Variants in TG observed in about 807,000 individuals in gnomAD.
The protein encoded by TG is thyroglobulin, also known as thyroid hormones.
A neutral mutation model predicts 324.7 loss-of-function variants in TG; 270 were observed. The observed-to-expected ratio is 0.83, with a 90% CI of 0.75 to 0.92. The LOEUF (loss-of-function observed/expected upper bound fraction) is 0.92, where lower values mean the gene tolerates loss of function less well. Among genes scored for constraint, TG ranks in the 40% least tolerant of loss-of-function variants. TG has a pLI of 0.00. For synonymous variants in TG, 1,401 were observed against 1,327.0 expected (o/e 1.06, Z -1.21); for missense variants, 3,591 against 3,456.4 (o/e 1.04, Z -0.98).
rs373076511 is a variant in TG, at chr8:132,963,062, C to T, written c.5536C>T (p.Pro1846Ser). The T allele has an allele frequency of 3.1e-6, 5 of 1,613,884 alleles. No homozygotes were observed. The African/African-American group carries it at 6.7e-5, about 22-fold the overall frequency. Residue 1846 changes from proline to serine, a missense_variant, in exon 29 of 48, where the codon CCA becomes TCA. Coordinates refer to ENST00000220616, the MANE Select transcript of TG (RefSeq NM_003235.5). ...RKDTVPRPAS[P>S]TEAGLTTELF... ...AGACACAGTGCCAAGGCCAGCATCT[C>T]CAACAGAAGCAGGTACTGACCCCCA... is the stretch of plus-strand genomic sequence containing the variant.
chr8:132,900,492 A>T (rs543021657), intron 15 of TG, among the ~76,000 whole-genome samples, 153 bp downstream of exon 15: 4 of 152,180 alleles, frequency 2.6e-5, no homozygotes, highest in Admixed American at 2.6e-4. Flanking sequence ...TTTCTCATCT[A>T]TGAAATCGGG....
At chr8:133,083,040 C>T (rs1240943545) in intron 41 of TG, among the ~76,000 whole-genome samples, 1 of 152,116 alleles carries the variant, frequency 6.6e-6, no homozygotes, top group Non-Finnish European at 1.5e-5. Context: ...GGAGGGAGAG[C>T]GATGAGTAGG....
chr8:132,972,502 A>G, intron 33 of TG, 96 bp from the exon 34 acceptor site: 1 of 1,418,282 alleles, frequency 7.1e-7, no homozygotes, highest in Non-Finnish European at 9.8e-7. Context: ...ATGTCTGCTG[A>G]ACAATGTACT....
chr8:132,906,996 C>T (rs1199777605), intron 17 of TG, 96 bp downstream of exon 17: 1 of 1,276,920 alleles, frequency 7.8e-7, no homozygotes, highest in Non-Finnish European at 1.1e-6. Flanking sequence ...ATTTCCCCAC[C>T]CAAATGTAGC....
At chr8:133,117,980 G>A (rs2131783325) in intron 45 of TG, among the ~76,000 whole-genome samples, 1 of 152,268 alleles carries the variant, frequency 6.6e-6, no homozygotes, top group Non-Finnish European at 1.5e-5. Flanking sequence ...ACAGTACCTG[G>A]ACCATAAGTT....
chr8:133,063,662 G>A (rs1311498738), intron 41 of TG: 2 of 152,206 alleles, frequency 1.3e-5, no homozygotes, highest in African/African-American at 4.8e-5. Context: ...GCTGTTGCTT[G>A]CACTCCCACC....
At chr8:133,115,391 C>CCTGCT (rs1324798163) in intron 44 of TG, among the ~76,000 whole-genome samples, 2 of 152,142 alleles carry the variant, frequency 1.3e-5, no homozygotes, top group Non-Finnish European at 2.9e-5. Context: ...CTGTCCCTGT[C>CCTGCT]CTGCTCACAA....
intron 43 of TG, among the ~76,000 whole-genome samples, chr8:133,110,422 T>C (rs938513114): frequency 1.3e-5 from 2 of 152,238 alleles, no homozygotes; most frequent in African/African-American, 4.8e-5. Flanking sequence ...TATATTTTCT[T>C]GCACAGTTTT....
Position 133,096,355 on chromosome 8 carries a change from C to T in TG, c.7554C>T (p.Asn2518=). 6.2e-7 allele frequency: 1 copy of T among 1,614,180 alleles called. No homozygotes were observed. Among genetic ancestry groups the T allele is most frequent in the Admixed American group, 1.7e-5 (1 of 60,022 alleles). ...GTTCTCAGGACGACGGGCTCATCAACAGAGCAAAGGCTGTGAAGGTAAGCA... is the reference window on the plus strand; with the variant it reads ...GTTCTCAGGACGACGGGCTCATCAATAGAGCAAAGGCTGTGAAGGTAAGCA... The part of the protein sequence containing the change: ...IGSSQDDGLI[N]RAKAVKQFEE... The change falls in exon 43 of 48, where the codon AAC becomes AAT. Residue 2518 remains asparagine (N), a synonymous_variant. Transcript: ENST00000220616.
At chr8:133,052,741 T>C (rs917799033) in intron 41 of TG, among the ~76,000 whole-genome samples, 1 of 152,114 alleles carries the variant, frequency 6.6e-6, no homozygotes, top group Non-Finnish European at 1.5e-5. Flanking sequence ...AAATACACAA[T>C]TGCAAATACA....
chr8:132,867,523 GTTT>G (rs11325505), intron 1 of TG, among the ~76,000 whole-genome samples: 5 of 124,952 alleles, frequency 4.0e-5, no homozygotes, highest in Admixed American at 8.0e-5. Flanking sequence ...CCAAGCTTCT[GTTT>G]TTTTTTTTTT....
intron 21 of TG, among the ~76,000 whole-genome samples, chr8:132,921,098 C>T (rs1226119329): frequency 6.6e-6 from 1 of 152,186 alleles, no homozygotes; most frequent in Non-Finnish European, 1.5e-5. Context: ...CTAATAAGGG[C>T]ATTAACAACA....
At position 132,923,440 on chromosome 8, in the gene TG, T is replaced by C; in HGVS notation, c.4631T>C (p.Val1544Ala). ...KDRGSGKAFC[V>A]DGEGRRLPWW... is the part of the protein sequence containing the mutation. The stretch of plus-strand genomic sequence containing the variant: ...AGGGGCAGTGGGAAGGCCTTCTGTG[T>C]GGACGGCGAGGGGCGGAGGCTGCCA... The change falls in exon 22 of 48, where the codon GTG becomes GCG. Residue 1544 changes from valine (V) to alanine (A), a missense_variant. By Grantham distance (64) the Val-to-Ala change is moderately conservative. Transcript: ENST00000220616. 1 of 1,614,056 alleles carries C rather than the reference T, an allele frequency of 6.2e-7. No individual in the cohort carries two copies. The highest frequency in any genetic ancestry group is 8.5e-7 in the Non-Finnish European group (1 of 1,180,000).
chr8:133,010,310 T>C (rs1834395705), intron 35 of TG, among the ~76,000 whole-genome samples: 1 of 152,156 alleles, frequency 6.6e-6, no homozygotes, highest in East Asian at 1.9e-4. Context: ...GGATCAAACA[T>C]GATGATGAAG....
At chr8:133,010,969 A>C (rs2130882752) in intron 35 of TG, among the ~76,000 whole-genome samples, 1 of 152,346 alleles carries the variant, frequency 6.6e-6, no homozygotes, top group South Asian at 2.1e-4. Context: ...CTCACAGGCC[A>C]GTCATTTTAA....
intron 35 of TG, chr8:132,995,346 C>T: frequency 1.0e-6 from 1 of 985,160 alleles, no homozygotes; most frequent in Non-Finnish European, 1.2e-6. Context: ...TGCTCCTGCT[C>T]CTGCAGAGAT....
intron 1 of TG, among the ~76,000 whole-genome samples, chr8:132,867,861 G>A (rs1004188322): frequency 5.3e-5 from 8 of 151,830 alleles, no homozygotes; most frequent in Non-Finnish European, 8.8e-5. Flanking sequence ...TTGGGCAGAC[G>A]ACTTTCGCTG....
intron 41 of TG, among the ~76,000 whole-genome samples, chr8:133,080,104 T>C (rs1845518723): frequency 6.6e-6 from 1 of 152,086 alleles, no homozygotes; most frequent in African/African-American, 2.4e-5. Flanking sequence ...ACTCTCCCCT[T>C]AGAAAGGTGA....
chr8:132,898,097 GTTGTT>G (rs1817383243), intron 12 of TG, 67 bp from the exon 13 acceptor site: 1 of 1,429,686 alleles, frequency 7.0e-7, no homozygotes, highest in Non-Finnish European at 9.7e-7. Flanking sequence ...AAGAAGGAAA[GTTGTT>G]TATGGGACAC....
Sources: allele counts gnomAD v4.1 joint callset (sites outside exome capture counted in the v4.1 genomes callset), GRCh38; gene constraint gnomAD v4.1.1; transcripts MANE v1.5; gene names NCBI Gene and HGNC (gene_info 2026-07-23, HGNC 2026-07-21).